The following PRDM5 variants were observed in gnomAD, a reference collection of about 807,000 sequenced individuals.
The protein encoded by PRDM5 is PR domain zinc finger protein 5.
A neutral mutation model predicts 81.2 loss-of-function variants in PRDM5; 56 were observed. The observed-to-expected ratio is 0.69, with a 90% CI of 0.56 to 0.86. PRDM5 has a LOEUF of 0.86. Among genes scored for constraint, PRDM5 ranks in the 40% least tolerant of loss-of-function variants. The pLI, the probability that PRDM5 is intolerant of heterozygous loss-of-function variation, is 0.00. For synonymous variants in PRDM5, 267 were observed against 256.4 expected (o/e 1.04, Z -0.39); for missense variants, 697 against 770.1 (o/e 0.91, Z 1.12).
At chr4:120,686,430 C>T (rs1733835899) in intron 1 of PRDM5, among the ~76,000 whole-genome samples, 1 of 152,008 alleles carries the variant, frequency 6.6e-6, no homozygotes, top group East Asian at 1.9e-4. Context: ...TCAGTTAAAG[C>T]AAAACTGTTC....
At chr4:120,873,534 T>A (rs1299893022) in intron 2 of PRDM5, among the ~76,000 whole-genome samples, 1 of 152,206 alleles carries the variant, frequency 6.6e-6, no homozygotes, top group African/African-American at 2.4e-5. Flanking sequence ...CCACATTTCT[T>A]CACCTCCCAC....
intron 2 of PRDM5, among the ~76,000 whole-genome samples, chr4:120,873,564 T>C (rs1043982046): frequency 2.6e-5 from 4 of 152,244 alleles, no homozygotes; most frequent in African/African-American, 9.6e-5. Context: ...CAATAGTCAT[T>C]GTCAAACATT....
chr4:120,865,811 G>C (rs1761143885), intron 2 of PRDM5, among the ~76,000 whole-genome samples: 1 of 152,036 alleles, frequency 6.6e-6, no homozygotes, highest in South Asian at 2.1e-4. Context: ...ACTCAAACCT[G>C]GTCTTGCTTC....
chr4:120,802,918 G>C (rs1321221580), intron 8 of PRDM5, among the ~76,000 whole-genome samples: 2 of 152,180 alleles, frequency 1.3e-5, no homozygotes, highest in Non-Finnish European at 2.9e-5. Context: ...CGAGCTAAAG[G>C]AAGAAGTTCA....
chr4:120,729,080 T>G (rs1407753162), intron 14 of PRDM5, among the ~76,000 whole-genome samples: 3 of 152,106 alleles, frequency 2.0e-5, no homozygotes, highest in Non-Finnish European at 4.4e-5. Context: ...TGTATAGAGA[T>G]GAAGTCTCAA....
intron 10 of PRDM5, among the ~76,000 whole-genome samples, chr4:120,786,088 A>G (rs1749728262): frequency 6.6e-6 from 1 of 152,170 alleles, no homozygotes; most frequent in Non-Finnish European, 1.5e-5. Context: ...AAAACAAATC[A>G]TAACTGATGG....
intron 2 of PRDM5, among the ~76,000 whole-genome samples, chr4:120,900,917 T>C (rs1290689600): frequency 6.6e-6 from 1 of 152,162 alleles, no homozygotes; most frequent in Non-Finnish European, 1.5e-5. Context: ...AAAGTCTCCC[T>C]CTCTCCTCTA....
In PRDM5 at chr4:120,907,434, A is replaced by T. The variant is rs753556633; in HGVS notation, c.177+40T>A. ...TTAAAAATGCATTAAATGGTACAAT[A>T]CAAATATATTTTTAACATTAAAATA... On this transcript the variant is annotated intron_variant, in intron 2 of 15. Transcript: ENST00000264808. 6 of 1,464,028 alleles carry T rather than the reference A, an allele frequency of 4.1e-6. No homozygotes were observed. In the East Asian group the frequency reaches 1.4e-4, roughly 33 times the overall value. The allele number at this position is 1,464,028 out of a possible 1,614,324, so 90.7% of individuals were successfully genotyped here. A position where few individuals can be genotyped will look rare whatever the true frequency, so the allele number is the denominator to read the frequency against.
chr4:120,854,814 C>G (rs926894519), intron 2 of PRDM5, among the ~76,000 whole-genome samples: 23 of 151,890 alleles, frequency 1.5e-4, no homozygotes, highest in African/African-American at 5.6e-4. Context: ...CTTAAGAGTT[C>G]TAAAGGGAGG....
intron 14 of PRDM5, among the ~76,000 whole-genome samples, chr4:120,734,631 G>T (rs1367995900): frequency 1.3e-5 from 2 of 152,192 alleles, no homozygotes; most frequent in Non-Finnish European, 2.9e-5. Context: ...CTTGGCTTCA[G>T]TGCCACCTCC....
chr4:120,748,839 A>G (rs1289270946), intron 14 of PRDM5, among the ~76,000 whole-genome samples: 2 of 152,044 alleles, frequency 1.3e-5, no homozygotes, highest in Admixed American at 1.3e-4. Context: ...GTCTGACTGC[A>G]TCCTAGGAAA....
chr4:120,783,598 T>C (rs1749348764), intron 11 of PRDM5, among the ~76,000 whole-genome samples: 1 of 152,158 alleles, frequency 6.6e-6, no homozygotes, highest in South Asian at 2.1e-4. Flanking sequence ...AAATCTCTAT[T>C]CTAACATTCA....
chr4:120,828,578 T>C (rs557112609), intron 3 of PRDM5, among the ~76,000 whole-genome samples: 10 of 152,236 alleles, frequency 6.6e-5, no homozygotes, highest in Non-Finnish European at 1.3e-4. Flanking sequence ...CAAATGAGCC[T>C]AAAATAATCC....
At chr4:120,688,598 A>G (rs1288813900), downstream of PRDM5, among the ~76,000 whole-genome samples, 3 of 152,052 alleles carry the variant, frequency 2.0e-5, no homozygotes, top group African/African-American at 7.2e-5. Flanking sequence ...TTCTAGTTTT[A>G]AAGTTTTGGG....
intron 2 of PRDM5, among the ~76,000 whole-genome samples, chr4:120,882,754 A>C (rs1015034075): frequency 6.6e-6 from 1 of 152,256 alleles, no homozygotes; most frequent in Non-Finnish European, 1.5e-5. Flanking sequence ...ATTCGTGTGT[A>C]GAAAAAATTT....
chr4:120,822,619 T>C (rs147802243), intron 3 of PRDM5, among the ~76,000 whole-genome samples: 13 of 152,268 alleles, frequency 8.5e-5, no homozygotes, highest in Admixed American at 5.2e-4. Context: ...AAATTGTACA[T>C]ACAGTTATTT....
chr4:120,832,797 A>G (rs1756882116), intron 3 of PRDM5, among the ~76,000 whole-genome samples: 1 of 152,174 alleles, frequency 6.6e-6, no homozygotes, highest in Non-Finnish European at 1.5e-5. Context: ...CCTATTCTCA[A>G]CAAATTCTTA....
chr4:120,734,043 T>C (rs1740679166), intron 14 of PRDM5, among the ~76,000 whole-genome samples: 1 of 152,086 alleles, frequency 6.6e-6, no homozygotes. Context: ...AGTATTGAAG[T>C]GGACCTAGGC....
chr4:120,697,668 CTAT>C lies in PRDM5; in HGVS notation c.1729-2396_1729-2394del, dbSNP rs1578567271. Among the ~76,000 whole-genome samples, 151 of 42,852 alleles carry C rather than the reference CTAT, an allele frequency of 3.5e-3. 6 individuals carry two copies. Among genetic ancestry groups the C allele is most frequent in the East Asian group, 0.011 (13 of 1,146 alleles). 28.1% of individuals were successfully genotyped at this position (42,852 alleles called of 152,430 possible). ...GCCAGATGCCACCATGCCCAGCTAACTATTTTTTTTTTTTTTTTTTTTTTGTAT... is the reference window on the plus strand; with the variant it reads ...GCCAGATGCCACCATGCCCAGCTAACTTTTTTTTTTTTTTTTTTTTTGTAT... On this transcript the variant is annotated intron_variant, in intron 15 of 15. Coordinates refer to ENST00000264808, the MANE Select transcript of PRDM5 (RefSeq NM_018699.4).
Sources: allele counts gnomAD v4.1 joint callset (sites outside exome capture counted in the v4.1 genomes callset), GRCh38; gene constraint gnomAD v4.1.1; transcripts MANE v1.5; gene names NCBI Gene and HGNC (gene_info 2026-07-23, HGNC 2026-07-21).